VPS13B: variants seen among roughly 807,000 people sequenced by gnomAD.
VPS13B encodes vacuolar protein sorting 13 homolog B, also known as intermembrane lipid transfer protein VPS13B.
In VPS13B, 285 loss-of-function variants were observed where a neutral mutation model predicts 426.4. The observed-to-expected ratio is 0.67, with a 90% CI of 0.61 to 0.74. VPS13B has a LOEUF of 0.74. VPS13B is among the 30% of genes least tolerant of loss of function. The pLI is 0.00. For synonymous variants in VPS13B, 1,676 were observed against 1,676.4 expected, an observed-to-expected ratio of 1.00 and a Z score of 0.01; for missense variants, 4,537 against 4,782.6, an observed-to-expected ratio of 0.95 and a Z score of 1.51.
intron 33 of VPS13B, among the ~76,000 whole-genome samples, chr8:99,626,196 T>G (rs1051477708): frequency 5.3e-5 from 8 of 152,196 alleles, no homozygotes; most frequent in African/African-American, 1.9e-4. Context: ...GCAACCTGTA[T>G]CCATCAACTA....
At chr8:99,738,700 G>C (rs769667695) in intron 39 of VPS13B, among the ~76,000 whole-genome samples, 4 of 152,152 alleles carry the variant, frequency 2.6e-5, no homozygotes, top group African/African-American at 9.7e-5. Context: ...AAAATCTTCA[G>C]TTATTTTACC....
intron 39 of VPS13B, among the ~76,000 whole-genome samples, chr8:99,749,708 TAC>T (rs1810294684): frequency 6.6e-6 from 1 of 152,086 alleles, no homozygotes; most frequent in Non-Finnish European, 1.5e-5. Context: ...AACATTAGAG[TAC>T]AGATATCTTT....
intron 39 of VPS13B, among the ~76,000 whole-genome samples, chr8:99,739,766 CT>C (rs1449987421): frequency 6.6e-6 from 1 of 152,196 alleles, no homozygotes; most frequent in African/African-American, 2.4e-5. Flanking sequence ...AGGGTCCTGA[CT>C]GTTAGAAGGA....
Position 99,503,115 on chromosome 8 carries a change from A to G in VPS13B, c.4157+165A>G, listed in dbSNP as rs12677875. 5.0e-4 allele frequency among the ~76,000 whole-genome samples: 76 copies of G among 152,348 alleles called. 2 individuals carry two copies. The East Asian group carries it at 7.7e-3, about 15-fold the overall frequency. On this transcript the variant is annotated intron_variant, in intron 27 of 61. Transcript: ENST00000357162. Reference sequence around the variant, plus strand: ...TCCAGACTATTCCAATAAAGTGAATATTTCAATAAAGGAAGTGACAGAAAT... The same window carrying G: ...TCCAGACTATTCCAATAAAGTGAATGTTTCAATAAAGGAAGTGACAGAAAT...
At chr8:99,150,704 A>T (rs1811026469) in intron 14 of VPS13B, among the ~76,000 whole-genome samples, 2 of 152,120 alleles carry the variant, frequency 1.3e-5, no homozygotes, top group South Asian at 4.1e-4. Context: ...TTGGCTTTTC[A>T]TGGCTTGATA....
At chr8:99,768,605 G>A (rs1056566862) in intron 40 of VPS13B, among the ~76,000 whole-genome samples, 2 of 151,964 alleles carry the variant, frequency 1.3e-5, no homozygotes, top group Non-Finnish European at 2.9e-5. Flanking sequence ...TGATTATTTT[G>A]TATGCTTGAT....
At chr8:99,741,415 C>T (rs921732696) in intron 39 of VPS13B, among the ~76,000 whole-genome samples, 2 of 152,092 alleles carry the variant, frequency 1.3e-5, no homozygotes, top group East Asian at 1.9e-4. Flanking sequence ...GACAGATCAA[C>T]CAGACAGAAA....
intron 33 of VPS13B, among the ~76,000 whole-genome samples, chr8:99,579,504 TCTC>T (rs1825943269): frequency 6.6e-6 from 1 of 152,076 alleles, no homozygotes; most frequent in South Asian, 2.1e-4. Flanking sequence ...TTCAAACAAT[TCTC>T]CTGCCTCAGT....
intron 6 of VPS13B, among the ~76,000 whole-genome samples, chr8:99,115,400 A>G (rs1399084621): frequency 1.1e-4 from 16 of 152,062 alleles, no homozygotes. Flanking sequence ...TATATAACTA[A>G]CTTTGTTTCT....
chr8:99,309,806 A>T (rs1820853570), intron 19 of VPS13B, among the ~76,000 whole-genome samples: 1 of 152,138 alleles, frequency 6.6e-6, no homozygotes. Flanking sequence ...GATTCTTCCT[A>T]TCCATGAACA....
At chr8:99,212,971 A>T (rs1015480920) in intron 17 of VPS13B, among the ~76,000 whole-genome samples, 1 of 152,162 alleles carries the variant, frequency 6.6e-6, no homozygotes, top group African/African-American at 2.4e-5. Flanking sequence ...GATTAGTCTT[A>T]GTAAGTATCC....
At position 99,143,048 on chromosome 8, in the gene VPS13B, A is replaced by G. The variant is rs2132581169; in HGVS notation, c.1726A>G (p.Ser576Gly). ...AACAGTTCAGGAGAAGTCCACCAAA[A>G]GCCTTGTTATAGGTCCTCTTGATTT... ...LGTVQEKSTK[S>G]LVIGPLDFRL... The change falls in exon 13 of 62, where the codon AGC becomes GGC. Residue 576 changes from serine to glycine, a missense_variant. Transcript: ENST00000357162. 6.2e-7 allele frequency: 1 copy of G among 1,614,054 alleles called. No homozygotes were observed. Among genetic ancestry groups the G allele is most frequent in the Non-Finnish European group, 8.5e-7 (1 of 1,179,952 alleles).
intron 39 of VPS13B, among the ~76,000 whole-genome samples, chr8:99,726,980 G>A (rs561389388): frequency 4.1e-4 from 62 of 152,336 alleles, no homozygotes; most frequent in Non-Finnish European, 7.5e-4. Context: ...CTGATCACTT[G>A]TGTGTTTTGC....
intron 33 of VPS13B, among the ~76,000 whole-genome samples, chr8:99,629,823 T>C (rs906545164): frequency 6.6e-6 from 1 of 152,232 alleles, no homozygotes; most frequent in Non-Finnish European, 1.5e-5. Flanking sequence ...TATTGCCTTA[T>C]TTCAGGTTCC....
At chr8:99,350,600 A>G (rs1460762833) in intron 19 of VPS13B, among the ~76,000 whole-genome samples, 2 of 152,236 alleles carry the variant, frequency 1.3e-5, no homozygotes, top group African/African-American at 2.4e-5. Flanking sequence ...ATTAAAGTTA[A>G]CATGGGTTTC....
chr8:99,623,152 T>A (rs1828440664), intron 33 of VPS13B, among the ~76,000 whole-genome samples: 1 of 152,162 alleles, frequency 6.6e-6, no homozygotes, highest in South Asian at 2.1e-4. Context: ...GACCTCCTCT[T>A]CTACTATGCT....
chr8:99,096,125 AT>A (rs552052318), intron 3 of VPS13B, among the ~76,000 whole-genome samples, 186 bp from the exon 4 acceptor site: 64 of 152,276 alleles, frequency 4.2e-4, no homozygotes, highest in African/African-American at 1.5e-3. Flanking sequence ...AGTTATTAAT[AT>A]TTTTTAAATG....
chr8:99,438,906 T>C (rs910211920), intron 22 of VPS13B, among the ~76,000 whole-genome samples: 7 of 152,144 alleles, frequency 4.6e-5, no homozygotes, highest in Non-Finnish European at 8.8e-5. Context: ...AGGCTAATAA[T>C]ATATGGGATC....
At chr8:99,576,728 T>C (rs1339072277) in intron 32 of VPS13B, among the ~76,000 whole-genome samples, 1 of 152,166 alleles carries the variant, frequency 6.6e-6, no homozygotes, top group Admixed American at 6.5e-5. Context: ...TTGTATTGGT[T>C]TTTTGTTTTG....
Sources: gnomAD v4.1 joint callset for allele counts (sites outside exome capture counted in the v4.1 genomes callset) on GRCh38, gnomAD v4.1.1 for gene constraint, MANE v1.5 for transcripts, NCBI Gene and HGNC (gene_info 2026-07-23, HGNC 2026-07-21) for gene names.